Variants in CADPS observed in about 807,000 individuals in gnomAD.
CADPS encodes calcium-dependent secretion activator 1.
In CADPS, 57 loss-of-function variants were observed where a neutral mutation model predicts 167.3. That is an observed-to-expected ratio of 0.34 (90% confidence interval 0.28 to 0.42). The LOEUF (loss-of-function observed/expected upper bound fraction) is 0.42. Among genes scored for constraint, CADPS ranks in the 20% least tolerant of loss-of-function variants. The probability of loss-of-function intolerance (pLI) is 1.00; values close to 1 mark genes in which losing one functional copy is unlikely to be tolerated. For synonymous variants in CADPS, 676 were observed against 635.3 expected, an observed-to-expected ratio of 1.06 and a Z score of -0.96; for missense variants, 1,414 against 1,738.1, an observed-to-expected ratio of 0.81 and a Z score of 3.32.
chr3:62,720,233 C>T (rs2075485373), intron 3 of CADPS, among the ~76,000 whole-genome samples: 1 of 152,008 alleles, frequency 6.6e-6, no homozygotes, highest in Non-Finnish European at 1.5e-5. Context: ...GAAAAGTTAA[C>T]ATGTGTCAGA....
intron 3 of CADPS, among the ~76,000 whole-genome samples, chr3:62,713,266 C>T (rs1187093144): frequency 1.3e-5 from 2 of 152,070 alleles, no homozygotes; most frequent in Non-Finnish European, 2.9e-5. Context: ...CCATTTCTTT[C>T]AGGGGGATGA....
chr3:62,503,410 A>G (rs1218932478), intron 17 of CADPS, among the ~76,000 whole-genome samples: 1 of 152,194 alleles, frequency 6.6e-6, no homozygotes, highest in Non-Finnish European at 1.5e-5. Flanking sequence ...AAAGAAAGCA[A>G]TCTATGGGAC....
In CADPS at chr3:62,516,636, A is replaced by G; in HGVS notation, c.2401T>C (p.Phe801Leu). Residue 801 changes from phenylalanine (F) to leucine (L), a missense_variant, in exon 15 of 30, where the codon TTT (phenylalanine) becomes CTT (leucine). Physicochemically the swap from Phe to Leu is conservative, Grantham distance 22 (BLOSUM62 0). Coordinates refer to ENST00000383710, the MANE Select transcript of CADPS (RefSeq NM_003716.4). ...GCACCTTCAGGTCGACCAAATGGAA[A>G]GCAATACCTAAAAAAGACAAAATTC... ...ENQITHFRYC[F>L]PFGRPEGALK... 6.2e-7 allele frequency: 1 copy of G among 1,602,314 alleles called. No individual in the cohort carries two copies. The highest frequency in any genetic ancestry group is 8.5e-7 in the Non-Finnish European group (1 of 1,172,442).
intron 28 of CADPS, among the ~76,000 whole-genome samples, chr3:62,418,950 A>T (rs930553714): frequency 6.6e-6 from 1 of 152,222 alleles, no homozygotes; most frequent in African/African-American, 2.4e-5. Context: ...AAAATGGAAC[A>T]TGGGCCAGAC....
At chr3:62,835,529 G>A (rs1315996175) in intron 1 of CADPS, among the ~76,000 whole-genome samples, 1 of 152,182 alleles carries the variant, frequency 6.6e-6, no homozygotes, top group Non-Finnish European at 1.5e-5. Flanking sequence ...ATGGGGCCTT[G>A]TAAATTAAAC....
chr3:62,727,081 C>T (rs1455220788), intron 3 of CADPS, among the ~76,000 whole-genome samples: 1 of 151,804 alleles, frequency 6.6e-6, no homozygotes, highest in African/African-American at 2.4e-5. Flanking sequence ...AGCTGAGTAT[C>T]TATTTATAGA....
intron 6 of CADPS, among the ~76,000 whole-genome samples, chr3:62,611,175 C>G (rs1254349425): frequency 6.6e-6 from 1 of 152,144 alleles, no homozygotes; most frequent in African/African-American, 2.4e-5. Flanking sequence ...CCATCCCAAA[C>G]CTACACTGGC....
intron 24 of CADPS, among the ~76,000 whole-genome samples, chr3:62,473,191 C>G (rs1036162130): frequency 8.0e-6 from 1 of 125,498 alleles, no homozygotes; most frequent in Non-Finnish European, 1.5e-5. Context: ...AAAAGGTCCT[C>G]GACAAGAAAA....
chr3:62,538,458 A>T (rs181340410), intron 11 of CADPS, among the ~76,000 whole-genome samples: 3 of 152,110 alleles, frequency 2.0e-5, no homozygotes, highest in East Asian at 3.9e-4. Flanking sequence ...TCCCAGATCA[A>T]TTTAACTCAG....
intron 3 of CADPS, among the ~76,000 whole-genome samples, chr3:62,689,671 A>G (rs1181880371): frequency 6.6e-6 from 1 of 152,036 alleles, no homozygotes; most frequent in Non-Finnish European, 1.5e-5. Context: ...ACATTATAGA[A>G]TTTCTTCCTG....
intron 14 of CADPS, among the ~76,000 whole-genome samples, chr3:62,517,774 T>C (rs184835567): frequency 2.4e-4 from 36 of 152,268 alleles, no homozygotes; most frequent in African/African-American, 7.7e-4. Flanking sequence ...GTGGAAAAAG[T>C]GGAGACTCTC....
rs1704847722 is a variant in CADPS at position 62,398,563 on chromosome 3, G to A, written c.*843C>T. 1 of 152,586 alleles carries A rather than the reference G, an allele frequency of 6.6e-6. No homozygotes were observed. Among genetic ancestry groups the A allele is most frequent in the South Asian group, 2.1e-4 (1 of 4,832 alleles). The allele number at this position is 152,586 out of a possible 1,614,324, so 9.5% of individuals were successfully genotyped here. A position where few individuals can be genotyped will look rare whatever the true frequency, so the allele number is the denominator to read the frequency against. ...GTGGAACAAAATAATTTAAATTATG[G>A]TTACAATCTACTGAAGGAAATATCC... On this transcript the variant is annotated 3_prime_UTR_variant, in exon 30 of 30. Coordinates refer to ENST00000383710, the MANE Select transcript of CADPS (RefSeq NM_003716.4).
intron 3 of CADPS, among the ~76,000 whole-genome samples, chr3:62,735,058 T>G (rs2152215854): frequency 6.6e-6 from 1 of 152,288 alleles, no homozygotes; most frequent in South Asian, 2.1e-4. Flanking sequence ...GGAGAAATTC[T>G]TATATATGTG....
chr3:62,726,720 A>G (rs534924858), intron 3 of CADPS, among the ~76,000 whole-genome samples: 22 of 152,086 alleles, frequency 1.4e-4, no homozygotes, highest in African/African-American at 5.1e-4. Context: ...AGGAAGCAAA[A>G]ACACTATTTA....
Position 62,874,800 on chromosome 3 carries a change from C to CCCCCGG in CADPS, c.224_229dup (p.Ala75_Gly76dup). On this transcript the variant is annotated inframe_insertion, in exon 1 of 30. Coordinates refer to ENST00000383710, the MANE Select transcript of CADPS (RefSeq NM_003716.4). This position sits in a 1 kb window ranked among gnomAD's most constrained non-coding sequence, Gnocchi z 7.1. ...GCCAGCGCGGCTGCTGGGTTGCAGCCCCCCGGCCCCGCCGCCGCTGCTCGC... is the reference window on the plus strand; with the variant it reads ...GCCAGCGCGGCTGCTGGGTTGCAGCCCCCCGGCCCCGGCCCCGCCGCCGCTGCTCGC... The CCCCCGG allele has an allele frequency of 1.7e-6, 2 of 1,205,834 alleles. No homozygotes were observed. Among genetic ancestry groups the CCCCCGG allele is most frequent in the East Asian group, 6.9e-5 (2 of 29,180 alleles). 74.7% of individuals were successfully genotyped at this position (1,205,834 alleles called of 1,614,324 possible).
Position 62,493,732 on chromosome 3 carries a change from A to G in CADPS, c.2707-67T>C, listed in dbSNP as rs931997090. ...TTCTGCAAGGTTGGCTTGGCTGGAA[A>G]TAGACACCTGCTGTTTCCATTTTAA... is the stretch of plus-strand genomic sequence containing the variant. On this transcript the variant is annotated intron_variant, in intron 18 of 29. Coordinates refer to ENST00000383710, the MANE Select transcript of CADPS (RefSeq NM_003716.4). 2.4e-6 allele frequency: 3 copies of G among 1,268,396 alleles called. No individual in the cohort carries two copies. The African/African-American group carries it at 4.5e-5, about 19-fold the overall frequency. 78.6% of individuals were successfully genotyped at this position (1,268,396 alleles called of 1,614,324 possible). A position where few individuals can be genotyped will look rare whatever the true frequency, so the allele number is the denominator to read the frequency against.
intron 8 of CADPS, among the ~76,000 whole-genome samples, chr3:62,574,636 C>T (rs954127926): frequency 3.3e-5 from 5 of 152,130 alleles, no homozygotes; most frequent in African/African-American, 9.7e-5. Context: ...TCAGCCAGGG[C>T]TAAGGAGACA....
intron 2 of CADPS, among the ~76,000 whole-genome samples, chr3:62,763,566 G>C (rs1182243845): frequency 6.6e-6 from 1 of 152,154 alleles, no homozygotes; most frequent in Non-Finnish European, 1.5e-5. Flanking sequence ...TAAGACAGGG[G>C]CCAACAGAGA....
At chr3:62,832,778 C>T (rs941716263) in intron 1 of CADPS, among the ~76,000 whole-genome samples, 10 of 152,338 alleles carry the variant, frequency 6.6e-5, no homozygotes, top group Admixed American at 3.3e-4. Context: ...CGTTGCCTCA[C>T]GTGATGGATG....
Sources: gnomAD v4.1 joint callset for allele counts (sites outside exome capture counted in the v4.1 genomes callset) on GRCh38, gnomAD v4.1.1 for gene constraint, Gnocchi (gnomAD v3.1) non-coding constraint, MANE v1.5 for transcripts, NCBI Gene and HGNC (gene_info 2026-07-23, HGNC 2026-07-21) for gene names.